The following RBPMS variants were observed in gnomAD, a reference collection of about 807,000 sequenced individuals.
RBPMS encodes RNA-binding protein with multiple splicing.
A neutral mutation model predicts 26.8 loss-of-function variants in RBPMS; 7 were observed. That is an observed-to-expected ratio of 0.26 (90% CI 0.15 to 0.49). The LOEUF (loss-of-function observed/expected upper bound fraction) is 0.49. RBPMS is among the 20% of genes least tolerant of loss of function. RBPMS has a pLI of 0.98. For synonymous variants in RBPMS, 96 were observed against 93.3 expected (o/e 1.03, Z -0.17); for missense variants, 186 against 250.0 (o/e 0.74, Z 1.73).
chr8:30,467,598 C>G (rs889694663), intron 1 of RBPMS, among the ~76,000 whole-genome samples: 2 of 152,180 alleles, frequency 1.3e-5, no homozygotes, highest in African/African-American at 4.8e-5. Context: ...CAGGATGTTT[C>G]TGCTCCTGGG....
At chr8:30,489,160 CCTCAG>C (rs1819107607) in intron 4 of RBPMS, among the ~76,000 whole-genome samples, 2 of 151,516 alleles carry the variant, frequency 1.3e-5, no homozygotes, top group Non-Finnish European at 2.9e-5. Flanking sequence ...GCTCCTCCCA[CCTCAG>C]CCTCCCGAAT....
At chr8:30,546,764 G>A (rs1196879583) in intron 6 of RBPMS, among the ~76,000 whole-genome samples, 3 of 152,188 alleles carry the variant, frequency 2.0e-5, no homozygotes, top group South Asian at 2.1e-4. Flanking sequence ...TTATTTAAAT[G>A]TATTTGTCCA....
intron 5 of RBPMS, among the ~76,000 whole-genome samples, chr8:30,536,668 G>A (rs1824832305): frequency 6.6e-6 from 1 of 152,110 alleles, no homozygotes; most frequent in South Asian, 2.1e-4. Context: ...ATTTCCACCT[G>A]AATCATAGAT....
intron 1 of RBPMS, among the ~76,000 whole-genome samples, chr8:30,436,516 T>C (rs1168491353): frequency 6.6e-6 from 1 of 152,200 alleles, no homozygotes; most frequent in Non-Finnish European, 1.5e-5. Flanking sequence ...TGATTGCTTT[T>C]CTCCAAATCT....
intron 1 of RBPMS, among the ~76,000 whole-genome samples, chr8:30,444,013 C>T (rs936046543): frequency 1.6e-4 from 24 of 152,162 alleles, no homozygotes; most frequent in Non-Finnish European, 2.2e-4. Flanking sequence ...TCTCTTGCCT[C>T]GGCCTCCTGA....
intron 6 of RBPMS, chr8:30,558,068 TGGTCAG>T (rs915295790): frequency 4.6e-5 from 7 of 152,240 alleles, no homozygotes; most frequent in African/African-American, 1.7e-4. Context: ...CTCTCCATGT[TGGTCAG>T]GCTGGTCTTG....
At position 30,488,295 on chromosome 8, in the gene RBPMS, G is replaced by T. The variant is rs140401048; in HGVS notation, c.246+8918G>T. Among the ~76,000 whole-genome samples the T allele has an allele frequency of 8.5e-5, 13 of 152,258 alleles. 1 individual carries two copies. In the East Asian group the frequency reaches 2.5e-3, roughly 29 times the overall value. On this transcript the variant is annotated intron_variant, in intron 4 of 8. Transcript: ENST00000397323. ...CAGGTAAAGTATAAAAGCATTATTT[G>T]TATGTGTACTTTCAAAAATAAGAAT...
chr8:30,423,738 G>A (rs538618383), intron 1 of RBPMS, among the ~76,000 whole-genome samples: 18 of 152,128 alleles, frequency 1.2e-4, no homozygotes, highest in Non-Finnish European at 1.9e-4. Flanking sequence ...CCCTTGCCAA[G>A]AGAGAAGATC....
chr8:30,424,923 A>G (rs1563306241), intron 1 of RBPMS, among the ~76,000 whole-genome samples: 2 of 152,106 alleles, frequency 1.3e-5, no homozygotes, highest in Non-Finnish European at 2.9e-5. Context: ...GCATTAGCCC[A>G]TTATTAAATA....
intron 4 of RBPMS, among the ~76,000 whole-genome samples, chr8:30,488,383 A>G (rs1186904392): frequency 5.3e-5 from 8 of 152,242 alleles, no homozygotes; most frequent in African/African-American, 1.9e-4. Context: ...GTATTCACTT[A>G]GAAGTCAGAT....
At chr8:30,555,970 T>G (rs1181311884) in intron 6 of RBPMS, 1 of 984,332 alleles carries the variant, frequency 1.0e-6, no homozygotes, top group East Asian at 1.1e-4. Context: ...CTCTGCCGGC[T>G]GTGGTGCGGG....
chr8:30,561,806 G>A, intron 7 of RBPMS: 1 of 957,740 alleles, frequency 1.0e-6, no homozygotes. Context: ...CTAAGGAAGG[G>A]CTTTTTTCCC....
intron 4 of RBPMS, among the ~76,000 whole-genome samples, chr8:30,482,394 T>G (rs928229585): frequency 8.5e-5 from 13 of 152,240 alleles, no homozygotes; most frequent in African/African-American, 3.1e-4. Context: ...TACTTCAGTG[T>G]TATGAACGAC....
At chr8:30,455,895 A>C (rs1321985464) in intron 1 of RBPMS, among the ~76,000 whole-genome samples, 1 of 152,184 alleles carries the variant, frequency 6.6e-6, no homozygotes, top group Non-Finnish European at 1.5e-5. Context: ...GTCTCAAAAA[A>C]TAAATAAAAA....
chr8:30,413,330 C>CA (rs1161324747), intron 1 of RBPMS, among the ~76,000 whole-genome samples: 1 of 152,132 alleles, frequency 6.6e-6, no homozygotes, highest in Non-Finnish European at 1.5e-5. Flanking sequence ...CTTGGCCTCC[C>CA]AAAGTTCTGG....
At chr8:30,557,210 G>A (rs1463077565) in intron 6 of RBPMS, among the ~76,000 whole-genome samples, 1 of 152,174 alleles carries the variant, frequency 6.6e-6, no homozygotes, top group African/African-American at 2.4e-5. Flanking sequence ...CAGAAGCTCC[G>A]GTATGTCCTA....
chr8:30,408,968 C>CT (rs1296382676), intron 1 of RBPMS, among the ~76,000 whole-genome samples: 1 of 152,038 alleles, frequency 6.6e-6, no homozygotes, highest in African/African-American at 2.4e-5. Flanking sequence ...GGTCTTTTGG[C>CT]TTTTTTCACT....
At chr8:30,443,283 T>C (rs959224101) in intron 1 of RBPMS, among the ~76,000 whole-genome samples, 3 of 152,218 alleles carry the variant, frequency 2.0e-5, no homozygotes, top group African/African-American at 7.2e-5. Context: ...TTTAAAATGG[T>C]GTCCTGCACT....
chr8:30,533,834 A>G (rs943112187), intron 5 of RBPMS, among the ~76,000 whole-genome samples: 2 of 152,196 alleles, frequency 1.3e-5, no homozygotes, highest in African/African-American at 4.8e-5. Context: ...TTTCAAGTCT[A>G]TAAAAATTGT....
Sources: allele counts gnomAD v4.1 joint callset (sites outside exome capture counted in the v4.1 genomes callset), GRCh38; gene constraint gnomAD v4.1.1; transcripts MANE v1.5; gene names NCBI Gene and HGNC (gene_info 2026-07-23, HGNC 2026-07-21).